The following CPLX2 variants were observed in gnomAD, a reference collection of about 807,000 sequenced individuals.
The protein encoded by CPLX2 is complexin-2.
A neutral mutation model predicts 16.3 loss-of-function variants in CPLX2; 5 were observed. The ratio of observed to expected loss-of-function variants is 0.31; its 90% CI spans 0.16 to 0.64. The LOEUF is 0.64. CPLX2 is among the 30% of genes least tolerant of loss of function. The pLI is 0.79. For synonymous variants in CPLX2, 89 were observed against 73.2 expected (o/e 1.22, Z -1.10); for missense variants, 144 against 181.4 (o/e 0.79, Z 1.18).
intron 2 of CPLX2, among the ~76,000 whole-genome samples, chr5:175,832,468 C>T (rs938785818): frequency 4.6e-5 from 7 of 152,220 alleles, no homozygotes; most frequent in African/African-American, 1.7e-4. Flanking sequence ...CCTGCCTTCA[C>T]AACCAGAAAC....
chr5:175,880,314 G>A lies in CPLX2; in HGVS notation c.*269G>A. The A allele has an allele frequency of 1.9e-6, 1 of 518,904 alleles. No homozygotes were observed. The highest frequency in any genetic ancestry group is 3.5e-6 in the Non-Finnish European group (1 of 283,518). 32.1% of individuals were successfully genotyped at this position (518,904 alleles called of 1,614,324 possible). A position where few individuals can be genotyped will look rare whatever the true frequency, so the allele number is the denominator to read the frequency against. On this transcript the variant is annotated 3_prime_UTR_variant, in exon 4 of 4. Transcript: ENST00000393745. ...CAGGGGGGCCCCTCAGGAAGCCTAAGGTCGTGCTAGTGTGGTGACCCCCAT... is the reference window on the plus strand; with the variant it reads ...CAGGGGGGCCCCTCAGGAAGCCTAAAGTCGTGCTAGTGTGGTGACCCCCAT...
chr5:175,883,749 G>C lies in CPLX2; in HGVS notation c.*3704G>C, dbSNP rs910958053. The stretch of plus-strand genomic sequence containing the variant: ...TGGGGAGAAAACGGGAGGTGCTCGT[G>C]CTGGCCCTGGGTGGGAGCGGGGAGT... On this transcript the variant is annotated 3_prime_UTR_variant, in exon 4 of 4. Transcript: ENST00000393745. 1 of 152,754 alleles carries C rather than the reference G, an allele frequency of 6.5e-6. No homozygotes were observed. The highest frequency in any genetic ancestry group is 2.4e-5 in the African/African-American group (1 of 41,460). The allele number at this position is 152,754 out of a possible 1,614,324, so 9.5% of individuals were successfully genotyped here.
chr5:175,851,093 G>A (rs1305042602), intron 2 of CPLX2, among the ~76,000 whole-genome samples: 2 of 152,018 alleles, frequency 1.3e-5, no homozygotes, highest in East Asian at 3.9e-4. Context: ...AGATAAATAA[G>A]TGTGGCTCAG....
intron 2 of CPLX2, among the ~76,000 whole-genome samples, chr5:175,815,391 G>T (rs1758388132): frequency 6.6e-6 from 1 of 152,150 alleles, no homozygotes; most frequent in South Asian, 2.1e-4. Context: ...GCACATGCAT[G>T]GAGGAACTGT....
At chr5:175,862,977 T>C (rs1434715781) in intron 2 of CPLX2, among the ~76,000 whole-genome samples, 1 of 152,210 alleles carries the variant, frequency 6.6e-6, no homozygotes, top group Admixed American at 6.5e-5. Flanking sequence ...CAGTCAACTC[T>C]GTGTTTTAGA....
Position 175,880,064 on chromosome 5 carries a change from C to G in CPLX2, c.*19C>G. 6.2e-7 allele frequency: 1 copy of G among 1,602,944 alleles called. No homozygotes were observed. The highest frequency in any genetic ancestry group is 8.5e-7 in the Non-Finnish European group (1 of 1,174,114). On this transcript the variant is annotated 3_prime_UTR_variant, in exon 4 of 4. Coordinates refer to ENST00000393745, the MANE Select transcript of CPLX2 (RefSeq NM_001008220.2). The stretch of plus-strand genomic sequence containing the variant: ...GAAGTAACCAGGCCTCCTGCCCCAG[C>G]CTACTCCACCTGTTACTACTTCTTT...
rs71575283 is a variant in CPLX2 at position 175,835,728 on chromosome 5, CTTTTTTTTTTTTTT to C, written c.-89+26675_-89+26688del. 1.1e-4 allele frequency among the ~76,000 whole-genome samples: 6 copies of C among 54,798 alleles called. No homozygotes were observed. The South Asian group carries it at 3.0e-3, about 27-fold the overall frequency. 35.9% of individuals were successfully genotyped at this position (54,798 alleles called of 152,430 possible). On this transcript the variant is annotated intron_variant, in intron 2 of 4. Coordinates refer to the CPLX2 transcript ENST00000359546. The stretch of plus-strand genomic sequence containing the variant: ...TTTTATTTATTTATTTATTTATTTA[CTTTTTTTTTTTTTT>C]TTTTTTTTTTTTTTGAGACAGGATC...
intron 2 of CPLX2, among the ~76,000 whole-genome samples, chr5:175,842,138 C>A (rs536458483): frequency 6.6e-6 from 1 of 152,276 alleles, no homozygotes; most frequent in African/African-American, 2.4e-5. Flanking sequence ...TGGTGGGAGC[C>A]CAGAGGAGGA....
At chr5:175,875,342 G>C (rs761463761) in intron 1 of CPLX2, among the ~76,000 whole-genome samples, 1 of 152,146 alleles carries the variant, frequency 6.6e-6, no homozygotes, top group Non-Finnish European at 1.5e-5. Flanking sequence ...GGCACAGGTA[G>C]ATGAATTGGC....
intron 2 of CPLX2, among the ~76,000 whole-genome samples, chr5:175,822,621 CTCTA>C: frequency 6.6e-6 from 1 of 152,360 alleles, no homozygotes; most frequent in East Asian, 1.9e-4. Flanking sequence ...GACCACAACA[CTCTA>C]TCTTTCTACA....
At chr5:175,869,508 A>G (rs775752355), upstream of CPLX2, among the ~76,000 whole-genome samples, 2 of 152,190 alleles carry the variant, frequency 1.3e-5, no homozygotes, top group African/African-American at 4.8e-5. Context: ...CCCTAATTCT[A>G]TCGCCAGCAA....
At chr5:175,860,076 C>T (rs762835514) in intron 2 of CPLX2, among the ~76,000 whole-genome samples, 5 of 152,258 alleles carry the variant, frequency 3.3e-5, no homozygotes, top group Middle Eastern at 3.2e-3. Context: ...TCCTGCCCTT[C>T]GCTCAGCTGT....
intron 2 of CPLX2, among the ~76,000 whole-genome samples, chr5:175,820,835 T>C (rs1236578351): frequency 6.6e-6 from 1 of 152,104 alleles, no homozygotes; most frequent in East Asian, 1.9e-4. Flanking sequence ...AACAAATATA[T>C]GGACATGGTA....
At chr5:175,860,266 G>C (rs1227675607) in intron 2 of CPLX2, among the ~76,000 whole-genome samples, 1 of 152,046 alleles carries the variant, frequency 6.6e-6, no homozygotes, top group Non-Finnish European at 1.5e-5. Context: ...CAAGGCAGGA[G>C]GATCACTTGA....
At chr5:175,850,841 C>A (rs1759136355) in intron 2 of CPLX2, among the ~76,000 whole-genome samples, 1 of 151,910 alleles carries the variant, frequency 6.6e-6, no homozygotes, top group Non-Finnish European at 1.5e-5. Flanking sequence ...CAGGTGAGGG[C>A]TGGGAGTGAC....
At chr5:175,837,259 G>A (rs1453882731) in intron 2 of CPLX2, among the ~76,000 whole-genome samples, 1 of 152,154 alleles carries the variant, frequency 6.6e-6, no homozygotes, top group Non-Finnish European at 1.5e-5. Flanking sequence ...CAACCCCACG[G>A]GGCGTCTCTG....
chr5:175,815,908 C>A (rs563598108), intron 2 of CPLX2, among the ~76,000 whole-genome samples: 1 of 152,366 alleles, frequency 6.6e-6, no homozygotes, highest in South Asian at 2.1e-4. Flanking sequence ...TGCCCAGCAT[C>A]ATGCCTGACA....
chr5:175,852,438 G>A (rs4868539), intron 2 of CPLX2, among the ~76,000 whole-genome samples: 58,148 of 152,006 alleles, frequency 0.38, 12,531 homozygotes, highest in Non-Finnish European at 0.46. Flanking sequence ...ATGGAATTGC[G>A]GCAGAGGTGG....
chr5:175,815,357 G>A (rs1275574809), intron 2 of CPLX2, among the ~76,000 whole-genome samples: 3 of 152,144 alleles, frequency 2.0e-5, no homozygotes, highest in Admixed American at 6.5e-5. Flanking sequence ...CTGCAAACCC[G>A]CTCGTCAGCA....
Sources: gnomAD v4.1 joint callset for allele counts (sites outside exome capture counted in the v4.1 genomes callset) on GRCh38, gnomAD v4.1.1 for gene constraint, MANE v1.5 for transcripts, NCBI Gene and HGNC (gene_info 2026-07-23, HGNC 2026-07-21) for gene names.